The following MACROD2 variants were observed in gnomAD, a reference collection of about 807,000 sequenced individuals.
MACROD2 encodes the protein mono-ADP ribosylhydrolase 2.
MACROD2 carries 36 observed loss-of-function variants against 70.4 expected under a neutral mutation model. The ratio of observed to expected loss-of-function variants is 0.51; its 90% CI spans 0.39 to 0.68. The LOEUF (loss-of-function observed/expected upper bound fraction) is 0.68. MACROD2 is among the 30% of genes least tolerant of loss of function. The pLI, the probability that MACROD2 is intolerant of heterozygous loss-of-function variation, is 0.00. For synonymous variants in MACROD2, 172 were observed against 178.8 expected (o/e 0.96, Z 0.30); for missense variants, 496 against 538.4 (o/e 0.92, Z 0.78).
intron 15 of MACROD2, among the ~76,000 whole-genome samples, chr20:15,993,190 G>A (rs1803058279): frequency 6.6e-6 from 1 of 151,720 alleles, no homozygotes; most frequent in Non-Finnish European, 1.5e-5. Flanking sequence ...ACTAGTAAGG[G>A]AATCATTAAG....
chr20:14,292,674 G>T (rs962412742), intron 3 of MACROD2, among the ~76,000 whole-genome samples: 1 of 151,758 alleles, frequency 6.6e-6, no homozygotes, highest in Non-Finnish European at 1.5e-5. Flanking sequence ...CACTCTTGTC[G>T]CCCAGGCTGG....
intron 5 of MACROD2, among the ~76,000 whole-genome samples, chr20:15,066,158 G>T (rs1236734500): frequency 6.7e-6 from 1 of 150,272 alleles, no homozygotes; most frequent in African/African-American, 2.4e-5. Flanking sequence ...TTGAGATGGA[G>T]TCTCGCTCTG....
chr20:15,596,755 G>T (rs995835077), intron 8 of MACROD2, among the ~76,000 whole-genome samples: 8 of 152,150 alleles, frequency 5.3e-5, no homozygotes, highest in Non-Finnish European at 1.0e-4. Flanking sequence ...TATGAGGCCG[G>T]AGCACTCCTC....
intron 8 of MACROD2, among the ~76,000 whole-genome samples, chr20:15,665,425 C>T (rs1300271977): frequency 3.3e-5 from 5 of 152,098 alleles, no homozygotes; most frequent in Admixed American, 2.6e-4. Flanking sequence ...CTACCTATAT[C>T]CACACAAAAT....
intron 3 of MACROD2, among the ~76,000 whole-genome samples, chr20:14,226,990 A>G (rs2081743684): frequency 6.6e-6 from 1 of 152,246 alleles, no homozygotes; most frequent in African/African-American, 2.4e-5. Flanking sequence ...GAGGACGTGG[A>G]GAACCTTTAT....
intron 3 of MACROD2, among the ~76,000 whole-genome samples, chr20:14,388,453 G>A (rs1236802080): frequency 2.6e-5 from 4 of 152,178 alleles, no homozygotes; most frequent in African/African-American, 9.7e-5. Context: ...ATAGTCTACT[G>A]TTGACCAGAA....
chr20:14,126,016 G>A (rs1205635766), intron 3 of MACROD2, among the ~76,000 whole-genome samples: 1 of 151,770 alleles, frequency 6.6e-6, no homozygotes, highest in African/African-American at 2.4e-5. Context: ...TTCCCTTCAG[G>A]GTGTCAGGAT....
chr20:14,341,781 A>T (rs1264940739), intron 3 of MACROD2, among the ~76,000 whole-genome samples: 1 of 152,244 alleles, frequency 6.6e-6, no homozygotes, highest in Non-Finnish European at 1.5e-5. Flanking sequence ...CCATTGGTTC[A>T]TGTAACTGAG....
At chr20:15,658,287 C>G (rs1199088330) in intron 8 of MACROD2, among the ~76,000 whole-genome samples, 1 of 148,658 alleles carries the variant, frequency 6.7e-6, no homozygotes, top group Non-Finnish European at 1.5e-5. Flanking sequence ...TGGAGTGCTG[C>G]GGGAAACCTG....
Position 15,683,421 on chromosome 20 carries a change from T to C in MACROD2, c.646-179324T>C, listed in dbSNP as rs561590467. 1.2e-4 allele frequency among the ~76,000 whole-genome samples: 19 copies of C among 152,360 alleles called. No homozygotes were observed. The South Asian group carries it at 3.9e-3, about 32-fold the overall frequency. ...TGGTAATTCCCATTTAATATCTTTC[T>C]TTATTGCTCATTGGAAAATAGAAAA... On this transcript the variant is annotated intron_variant, in intron 8 of 17. Coordinates refer to ENST00000684519, the MANE Select transcript of MACROD2 (RefSeq NM_001351661.2).
At chr20:16,040,215 A>G (rs1237807190) in intron 15 of MACROD2, among the ~76,000 whole-genome samples, 1 of 151,946 alleles carries the variant, frequency 6.6e-6, no homozygotes, top group African/African-American at 2.4e-5. Flanking sequence ...CAACCTCAAT[A>G]CACCATTACC....
intron 5 of MACROD2, among the ~76,000 whole-genome samples, chr20:14,965,545 C>G (rs989698247): frequency 6.9e-6 from 1 of 145,520 alleles, no homozygotes; most frequent in African/African-American, 2.5e-5. Flanking sequence ...ACTGCAAGCT[C>G]CGCCTCCCGG....
At chr20:15,468,277 C>T (rs900974662) in intron 7 of MACROD2, among the ~76,000 whole-genome samples, 3 of 151,844 alleles carry the variant, frequency 2.0e-5, no homozygotes, top group Non-Finnish European at 4.4e-5. Flanking sequence ...GATACTTCCT[C>T]CATACTTCTA....
At chr20:14,599,971 G>C (rs563155573) in intron 4 of MACROD2, among the ~76,000 whole-genome samples, 2 of 152,218 alleles carry the variant, frequency 1.3e-5, no homozygotes, top group South Asian at 4.1e-4. Flanking sequence ...GGTGGTGAAA[G>C]GACATAGAGG....
At chr20:14,409,795 T>C (rs1408458050) in intron 3 of MACROD2, among the ~76,000 whole-genome samples, 1 of 152,126 alleles carries the variant, frequency 6.6e-6, no homozygotes, top group African/African-American at 2.4e-5. Flanking sequence ...AGCGCATTGA[T>C]ACAAGAATGC....
rs1166732375 is a variant in MACROD2 at position 16,035,150 on chromosome 20, T to A, written c.1154-6051T>A. 7.1e-5 allele frequency among the ~76,000 whole-genome samples: 7 copies of A among 97,962 alleles called. No homozygotes were observed. The East Asian group carries it at 8.3e-4, about 12-fold the overall frequency. The allele number at this position is 97,962 out of a possible 152,430, so 64.3% of individuals were successfully genotyped here. On this transcript the variant is annotated intron_variant, in intron 15 of 17. Coordinates refer to ENST00000684519, the MANE Select transcript of MACROD2 (RefSeq NM_001351661.2). ...AATATTATATATTATATATTATATA[T>A]AAAATATAATATAAAATATAAAATA...
chr20:15,523,765 C>T (rs6079871), intron 8 of MACROD2, among the ~76,000 whole-genome samples: 13,301 of 152,080 alleles, frequency 0.087, 1,052 homozygotes, highest in East Asian at 0.44. Flanking sequence ...AAATGTTTGT[C>T]TTCATTCTTT....
intron 9 of MACROD2, among the ~76,000 whole-genome samples, chr20:15,865,088 C>G (rs1475044144): frequency 6.6e-6 from 1 of 152,096 alleles, no homozygotes; most frequent in African/African-American, 2.4e-5. Flanking sequence ...TTCATGATAT[C>G]TCTAACTAGT....
chr20:15,694,636 G>C (rs1280412111), intron 8 of MACROD2, among the ~76,000 whole-genome samples: 1 of 152,012 alleles, frequency 6.6e-6, no homozygotes, highest in Non-Finnish European at 1.5e-5. Flanking sequence ...CAGATGTATA[G>C]ACTGTGAAGT....
Sources: allele counts gnomAD v4.1 joint callset (sites outside exome capture counted in the v4.1 genomes callset), GRCh38; gene constraint gnomAD v4.1.1; transcripts MANE v1.5; gene names NCBI Gene and HGNC (gene_info 2026-07-23, HGNC 2026-07-21).